SOX5: variants seen among roughly 807,000 people sequenced by gnomAD.
The protein encoded by SOX5 is SRY-box transcription factor 5.
In SOX5, 9 loss-of-function variants were observed where a neutral mutation model predicts 92.0. The observed-to-expected ratio is 0.10, with a 90% CI of 0.06 to 0.17. The LOEUF (loss-of-function observed/expected upper bound fraction) is 0.17. SOX5 is among the 10% of genes least tolerant of loss of function. SOX5 has a pLI of 1.00. For missense variants in SOX5, 642 were observed against 944.5 expected, an observed-to-expected ratio of 0.68 and a Z score of 4.20; for synonymous variants, 344 against 336.3, an observed-to-expected ratio of 1.02 and a Z score of -0.25.
At chr12:23,827,393 A>G (rs2096250257) in intron 3 of SOX5, among the ~76,000 whole-genome samples, 1 of 152,244 alleles carries the variant, frequency 6.6e-6, no homozygotes, top group Admixed American at 6.5e-5. Context: ...TACAGAGACA[A>G]ACAAAAGGAT....
chr12:23,946,619 T>G (rs555884519), intron 1 of SOX5, among the ~76,000 whole-genome samples: 1 of 151,990 alleles, frequency 6.6e-6, no homozygotes, highest in Non-Finnish European at 1.5e-5. Flanking sequence ...ATATATAAAT[T>G]TATTGACTTC....
chr12:24,513,107 C>T (rs142181016), intron 1 of SOX5, among the ~76,000 whole-genome samples: 3,754 of 152,318 alleles, frequency 0.025, 54 homozygotes, highest in Middle Eastern at 0.044. Context: ...GTCAGCCATG[C>T]AACCATGCAG....
intron 4 of SOX5, among the ~76,000 whole-genome samples, chr12:24,070,847 T>A (rs1941662755): frequency 6.6e-6 from 1 of 152,222 alleles, no homozygotes; most frequent in South Asian, 2.1e-4. Context: ...TCATGCCAGA[T>A]GGTTTATGCA....
At chr12:23,997,772 G>A (rs184356985) in intron 4 of SOX5, among the ~76,000 whole-genome samples, 57 of 152,192 alleles carry the variant, frequency 3.7e-4, no homozygotes, top group African/African-American at 1.3e-3. Context: ...CCACTAAAAC[G>A]ATTTAGAGGA....
chr12:24,147,177 A>G (rs1951175046), intron 4 of SOX5, among the ~76,000 whole-genome samples: 1 of 152,198 alleles, frequency 6.6e-6, no homozygotes, highest in Non-Finnish European at 1.5e-5. Flanking sequence ...ATTTTACAAG[A>G]AAAATGCTGA....
chr12:23,726,176 G>GAGAGA (rs1555294880), intron 6 of SOX5, among the ~76,000 whole-genome samples: 141 of 73,042 alleles, frequency 1.9e-3, no homozygotes, highest in Admixed American at 3.3e-3. Context: ...AGAGAGAGAG[G>GAGAGA]TCAGTTTCTC....
intron 1 of SOX5, among the ~76,000 whole-genome samples, chr12:24,462,407 A>G (rs1943742748): frequency 6.6e-6 from 1 of 152,212 alleles, no homozygotes. Context: ...AGAGCTCTGG[A>G]AAGTCTCCAA....
At chr12:23,732,331 T>C (rs967975354) in intron 6 of SOX5, among the ~76,000 whole-genome samples, 4 of 152,312 alleles carry the variant, frequency 2.6e-5, no homozygotes, top group Middle Eastern at 3.4e-3. Context: ...CCATAATTGT[T>C]TGAACAATCT....
intron 1 of SOX5, among the ~76,000 whole-genome samples, chr12:24,545,321 T>C (rs1471909833): frequency 6.6e-6 from 1 of 152,102 alleles, no homozygotes; most frequent in Admixed American, 6.5e-5. Flanking sequence ...TAAACTGACA[T>C]GGGGGCCCTC....
chr12:24,292,893 G>C (rs944219467), intron 2 of SOX5, among the ~76,000 whole-genome samples: 1 of 152,198 alleles, frequency 6.6e-6, no homozygotes, highest in African/African-American at 2.4e-5. Flanking sequence ...CATGACATGA[G>C]AGATGACCTC....
chr12:23,856,626 T>G (rs553275447), intron 2 of SOX5, among the ~76,000 whole-genome samples: 1 of 152,124 alleles, frequency 6.6e-6, no homozygotes, highest in Non-Finnish European at 1.5e-5. Context: ...CTTCCTCAAC[T>G]GATTCAGGTG....
At chr12:23,874,418 G>A (rs2096905942) in intron 2 of SOX5, among the ~76,000 whole-genome samples, 1 of 152,050 alleles carries the variant, frequency 6.6e-6, no homozygotes, top group Non-Finnish European at 1.5e-5. Flanking sequence ...CGCAACCTTG[G>A]TGCTCTTAGA....
intron 6 of SOX5, among the ~76,000 whole-genome samples, chr12:23,713,513 T>C (rs1276986359): frequency 6.6e-6 from 1 of 152,084 alleles, no homozygotes; most frequent in Non-Finnish European, 1.5e-5. Context: ...ATAATCTACA[T>C]CATTAATTCA....
At chr12:23,628,818 A>AT (rs921923869) in intron 8 of SOX5, among the ~76,000 whole-genome samples, 1 of 147,892 alleles carries the variant, frequency 6.8e-6, no homozygotes, top group South Asian at 2.1e-4. Flanking sequence ...TTTTATTTTT[A>AT]TTTTTTCTGT....
intron 2 of SOX5, among the ~76,000 whole-genome samples, chr12:24,291,620 A>G (rs919002126): frequency 5.9e-5 from 9 of 152,260 alleles, no homozygotes; most frequent in Non-Finnish European, 1.3e-4. Flanking sequence ...ATCATGCTCA[A>G]TAAAGATTTG....
At chr12:24,351,245 T>C (rs1954046222) in intron 2 of SOX5, among the ~76,000 whole-genome samples, 1 of 152,158 alleles carries the variant, frequency 6.6e-6, no homozygotes, top group South Asian at 2.1e-4. Flanking sequence ...AAAAAAACTA[T>C]ATAAACTTGC....
At chr12:23,833,252 C>T (rs956291484) in intron 3 of SOX5, among the ~76,000 whole-genome samples, 9 of 151,866 alleles carry the variant, frequency 5.9e-5, no homozygotes, top group African/African-American at 1.9e-4. Context: ...TTTCTCTCAC[C>T]GTATCCCCTA....
At chr12:23,980,058 G>A (rs756838231) in intron 4 of SOX5, among the ~76,000 whole-genome samples, 20 of 151,988 alleles carry the variant, frequency 1.3e-4, no homozygotes. Context: ...TGAACCTCCT[G>A]CCTCAGCTGG....
At chr12:24,193,134 A>G (rs993586675) in intron 4 of SOX5, among the ~76,000 whole-genome samples, 1 of 152,250 alleles carries the variant, frequency 6.6e-6, no homozygotes, top group Non-Finnish European at 1.5e-5. Flanking sequence ...CTGTAGCGCC[A>G]TATATCCCAG....
Sources: allele counts gnomAD v4.1 joint callset (sites outside exome capture counted in the v4.1 genomes callset), GRCh38; gene constraint gnomAD v4.1.1; transcripts MANE v1.5; gene names NCBI Gene and HGNC (gene_info 2026-07-23, HGNC 2026-07-21).